Variants in CBFB observed in about 807,000 individuals in gnomAD.
CBFB encodes the protein CBF-beta.
Under a neutral mutation model 30.4 loss-of-function variants are expected in CBFB, and 9 were observed. That is an observed-to-expected ratio of 0.30 (90% CI 0.18 to 0.52). The LOEUF is 0.52. Among genes scored for constraint, CBFB ranks in the 20% least tolerant of loss-of-function variants. The pLI is 0.97. For missense variants in CBFB, 170 were observed against 244.0 expected (o/e 0.70, Z 2.02); for synonymous variants, 94 against 84.0 (o/e 1.12, Z -0.65).
intron 2 of CBFB, among the ~76,000 whole-genome samples, chr16:67,033,828 T>G (rs1269024545): frequency 2.0e-5 from 3 of 147,450 alleles, no homozygotes; most frequent in Non-Finnish European, 4.5e-5. Flanking sequence ...TGTTTTTTTT[T>G]TTTTTTTTTT....
intron 3 of CBFB, among the ~76,000 whole-genome samples, chr16:67,053,499 C>T (rs1213010217): frequency 6.6e-6 from 1 of 151,976 alleles, no homozygotes; most frequent in Non-Finnish European, 1.5e-5. Context: ...TTGTGATCCA[C>T]ACTCTTCGGC....
chr16:67,038,385 C>T (rs968149595), intron 3 of CBFB, among the ~76,000 whole-genome samples: 2 of 150,546 alleles, frequency 1.3e-5, no homozygotes, highest in African/African-American at 2.4e-5. Flanking sequence ...TATGTATATA[C>T]ATATATATGT....
intron 4 of CBFB, among the ~76,000 whole-genome samples, chr16:67,075,333 A>C (rs1232775407): frequency 6.6e-6 from 1 of 152,108 alleles, no homozygotes; most frequent in African/African-American, 2.4e-5. Flanking sequence ...GCAGTTCACA[A>C]ACAGGCTATG....
At chr16:67,060,642 G>A (rs1396450323) in intron 3 of CBFB, among the ~76,000 whole-genome samples, 5 of 151,968 alleles carry the variant, frequency 3.3e-5, no homozygotes, top group East Asian at 3.9e-4. Context: ...TGCAACCTCC[G>A]CCTCCTGGGT....
chr16:67,072,013 A>G (rs1961236611), intron 4 of CBFB, among the ~76,000 whole-genome samples: 1 of 152,180 alleles, frequency 6.6e-6, no homozygotes, highest in Non-Finnish European at 1.5e-5. Context: ...ACAGGCAGAA[A>G]TAACTCTTCT....
intron 3 of CBFB, among the ~76,000 whole-genome samples, chr16:67,063,476 C>T (rs1447996902): frequency 6.6e-6 from 1 of 150,618 alleles, no homozygotes; most frequent in African/African-American, 2.5e-5. Flanking sequence ...GAGTCTTGCT[C>T]AGTCTACCAG....
At chr16:67,029,903 G>T in intron 2 of CBFB, 90 bp downstream of exon 2, 1 of 813,714 alleles carries the variant, frequency 1.2e-6, no homozygotes, top group Non-Finnish European at 1.8e-6. Flanking sequence ...CGCGGCTGCT[G>T]CGGCTCCCGG....
chr16:67,056,718 T>G (rs1960736226), intron 3 of CBFB, among the ~76,000 whole-genome samples: 1 of 151,328 alleles, frequency 6.6e-6, no homozygotes, highest in Non-Finnish European at 1.5e-5. Context: ...AGTCTCGCTC[T>G]GTCACCAGGT....
chr16:67,032,261 G>A (rs116435089), intron 2 of CBFB, among the ~76,000 whole-genome samples: 3,137 of 152,212 alleles, frequency 0.021, 102 homozygotes, highest in African/African-American at 0.071. Flanking sequence ...GGAGGTCGAG[G>A]CTGCAGTTAG....
At chr16:67,068,800 C>T (rs1475063064) in intron 4 of CBFB, among the ~76,000 whole-genome samples, 1 of 152,082 alleles carries the variant, frequency 6.6e-6, no homozygotes, top group Admixed American at 6.6e-5. Flanking sequence ...TATAAATATA[C>T]TGAAAGAACT....
chr16:67,072,931 T>C lies in CBFB; in HGVS notation c.399+6133T>C, dbSNP rs185437375. Among the ~76,000 whole-genome samples the C allele has an allele frequency of 8.5e-5, 13 of 152,288 alleles. No homozygotes were observed. The East Asian group carries it at 2.5e-3, about 29-fold the overall frequency. On this transcript the variant is annotated intron_variant, in intron 4 of 5. Coordinates refer to ENST00000412916, the MANE Select transcript of CBFB (RefSeq NM_022845.3). ...TCTTACCATGTTGGCCAGGCTGGTC[T>C]TGAATTGCTGGCTTCAAACGATCCT... is the stretch of plus-strand genomic sequence containing the variant.
intron 3 of CBFB, among the ~76,000 whole-genome samples, chr16:67,037,001 C>T (rs971049499): frequency 6.6e-6 from 1 of 151,848 alleles, no homozygotes. Context: ...CAGTTTCAAG[C>T]GATTCTCCTG....
At chr16:67,054,839 G>A (rs1000149531) in intron 3 of CBFB, among the ~76,000 whole-genome samples, 16 of 152,142 alleles carry the variant, frequency 1.1e-4, no homozygotes, top group African/African-American at 3.4e-4. Context: ...TGCAAGCTCC[G>A]CCTCCCGGGT....
chr16:67,052,902 G>A (rs908597536), intron 3 of CBFB, among the ~76,000 whole-genome samples: 6 of 151,722 alleles, frequency 4.0e-5, no homozygotes, highest in Non-Finnish European at 8.8e-5. Context: ...AATCAAGGTT[G>A]CAGTGAGCTG....
At chr16:67,038,866 G>A (rs145644728) in intron 3 of CBFB, among the ~76,000 whole-genome samples, 3 of 152,004 alleles carry the variant, frequency 2.0e-5, no homozygotes, top group Non-Finnish European at 4.4e-5. Flanking sequence ...GAAGTCTTCC[G>A]GTATTTAATA....
At chr16:67,057,351 G>A (rs766940090) in intron 3 of CBFB, among the ~76,000 whole-genome samples, 12 of 152,184 alleles carry the variant, frequency 7.9e-5, no homozygotes, top group Admixed American at 1.3e-4. Flanking sequence ...ATCATTGGGC[G>A]TCTAGGTTAT....
At chr16:67,064,505 CT>C (rs1961000218) in intron 3 of CBFB, among the ~76,000 whole-genome samples, 3 of 151,998 alleles carry the variant, frequency 2.0e-5, no homozygotes, top group Non-Finnish European at 4.4e-5. Context: ...GTGCCCAGCC[CT>C]AAAATTATGT....
At chr16:67,084,482 T>G (rs1024030188) in intron 5 of CBFB, among the ~76,000 whole-genome samples, 1 of 152,204 alleles carries the variant, frequency 6.6e-6, no homozygotes, top group African/African-American at 2.4e-5. Flanking sequence ...GACAGTAGAA[T>G]AGTGGTTGCC....
At chr16:67,083,298 ATT>A (rs774691069) in intron 5 of CBFB, among the ~76,000 whole-genome samples, 3 of 143,510 alleles carry the variant, frequency 2.1e-5, no homozygotes, top group Admixed American at 7.0e-5. Context: ...CATTATTTTG[ATT>A]TTTTTTTTTT....
Sources: gnomAD v4.1 joint callset for allele counts (sites outside exome capture counted in the v4.1 genomes callset) on GRCh38, gnomAD v4.1.1 for gene constraint, MANE v1.5 for transcripts, NCBI Gene and HGNC (gene_info 2026-07-23, HGNC 2026-07-21) for gene names.